CHD6: variants seen among roughly 807,000 people sequenced by gnomAD.
The protein encoded by CHD6 is ATP-dependent chromatin remodeler CHD6.
CHD6 carries 50 observed loss-of-function variants against 276.9 expected under a neutral mutation model. The observed-to-expected ratio is 0.18, with a 90% CI of 0.14 to 0.23. The LOEUF (loss-of-function observed/expected upper bound fraction) is 0.23. Ranked by LOEUF, CHD6 falls within the 10% of genes least tolerant of loss-of-function variation. The pLI is 1.00. For missense variants in CHD6, 2,564 were observed against 3,365.8 expected (o/e 0.76, Z 5.89); for synonymous variants, 1,173 against 1,229.3 (o/e 0.95, Z 0.96).
chr20:41,439,252 A>AGG (rs2047819852), intron 26 of CHD6, among the ~76,000 whole-genome samples: 2 of 152,102 alleles, frequency 1.3e-5, no homozygotes, highest in East Asian at 3.9e-4. Context: ...GCTACTCAGG[A>AGG]GGCTGAGGCA....
chr20:41,405,180 T>G lies in CHD6; in HGVS notation c.7561A>C (p.Met2521Leu), dbSNP rs760303889. The G allele has an allele frequency of 6.2e-7, 1 of 1,614,204 alleles. No individual in the cohort carries two copies. Among genetic ancestry groups the G allele is most frequent in the Admixed American group, 1.7e-5 (1 of 60,016 alleles). ...VKSTLSMLPM[M>L]LPGMAAVPQM... is the part of the protein sequence containing the mutation. ...GGCACAGCAGCCATGCCTGGCAGCA[T>G]CATGGGCAGCATGCTCAGGGTACTT... The change falls in exon 37 of 37, where the codon ATG (methionine) becomes CTG (leucine). Residue 2521 changes from methionine to leucine, a missense_variant. Around this residue, in one of 7 missense-constraint regions of CHD6, gnomAD observed 238 missense variants for 266.0 expected, o/e 0.89. Transcript: ENST00000373233.
At chr20:41,501,701 C>T (rs918361384) in intron 5 of CHD6, among the ~76,000 whole-genome samples, 1 of 151,992 alleles carries the variant, frequency 6.6e-6, no homozygotes, top group African/African-American at 2.4e-5. Context: ...AGGTAGATGT[C>T]TAATTTTAAT....
rs771630751 is a variant in CHD6 at position 41,420,505 on chromosome 20, T to C, written c.6127+3A>G. 6.2e-7 allele frequency: 1 copy of C among 1,605,644 alleles called. No homozygotes were observed. Among genetic ancestry groups the C allele is most frequent in the East Asian group, 2.2e-5 (1 of 44,882 alleles). On this transcript the variant is annotated splice_donor_region_variant and intron_variant, in intron 31 of 36. Coordinates refer to ENST00000373233, the MANE Select transcript of CHD6 (RefSeq NM_032221.5). ...AAATGCCACAAGATCCTACATACTG[T>C]ACCTTGACTATGGCAGTTTCCGTCT...
chr20:41,487,888 G>T lies in CHD6; in HGVS notation c.1858-80C>A, dbSNP rs913316694. The T allele has an allele frequency of 1.7e-5, 25 of 1,443,174 alleles. No homozygotes were observed. In the African/African-American group the frequency reaches 2.9e-4, roughly 17 times the overall value. 89.4% of individuals were successfully genotyped at this position (1,443,174 alleles called of 1,614,324 possible). On this transcript the variant is annotated intron_variant, in intron 13 of 36. Coordinates refer to ENST00000373233, the MANE Select transcript of CHD6 (RefSeq NM_032221.5). ...TTTTCGTGGGGAAAATTAAGCCAGG[G>T]CATTGAGTGCTCAATTTGGGGCAAT...
chr20:41,421,273 C>A lies in CHD6; in HGVS notation c.5362G>T (p.Gly1788Trp). ...CCTGCCTCACTGCAGCAGAGCTCCC[C>A]TTCCTTTGAAATAGACATCAACAAA... is the stretch of plus-strand genomic sequence containing the variant. ...KHLLMSISKE[G>W]ELCCSEAGQR... Residue 1788 changes from glycine to tryptophan, a missense_variant, in exon 31 of 37, where the codon GGG becomes TGG. Transcript: ENST00000373233. 6.2e-7 allele frequency: 1 copy of A among 1,614,144 alleles called. No individual in the cohort carries two copies. The highest frequency in any genetic ancestry group is 8.5e-7 in the Non-Finnish European group (1 of 1,180,044).
At chr20:41,604,829 C>T (rs536319309) in intron 1 of CHD6, among the ~76,000 whole-genome samples, 17 of 152,220 alleles carry the variant, frequency 1.1e-4, no homozygotes, top group African/African-American at 2.9e-4. Context: ...CTGGAATCCT[C>T]GGACTACCAG....
At position 41,617,674 on chromosome 20, in the gene CHD6, G is replaced by A. The variant is rs182597483; in HGVS notation, c.-24+666C>T. Among the ~76,000 whole-genome samples the A allele has an allele frequency of 1.7e-3, 260 of 152,208 alleles. 2 individuals carry two copies. Among genetic ancestry groups the A allele is most frequent in the African/African-American group, 6.0e-3 (248 of 41,540 alleles). On this transcript the variant is annotated intron_variant, in intron 1 of 36. Transcript: ENST00000373233. ...CTAATAATGCACAAAACTTGGCAGC[G>A]GGGTTGCAGGACCCCTCCTGGGCTC...
chr20:41,526,968 A>G (rs1223400045), intron 3 of CHD6, among the ~76,000 whole-genome samples: 1 of 152,246 alleles, frequency 6.6e-6, no homozygotes, highest in Non-Finnish European at 1.5e-5. Context: ...TAGGCACAGC[A>G]AAGTCTGAGG....
In CHD6 at chr20:41,578,418, A is replaced by G. The variant is rs375896135; in HGVS notation, c.-23-27058T>C. On this transcript the variant is annotated intron_variant, in intron 1 of 36. Transcript: ENST00000373233. ...AGTTTTTTAAAAAAGTTTTTTAATA[A>G]AAAATTTCCGTGTTACTTATTAACA... Among the ~76,000 whole-genome samples the G allele has an allele frequency of 4.6e-5, 7 of 152,314 alleles. No individual in the cohort carries two copies. In the East Asian group the frequency reaches 1.2e-3, roughly 25 times the overall value.
At chr20:41,512,788 T>A in intron 5 of CHD6, 58 bp downstream of exon 5, 1 of 1,597,100 alleles carries the variant, frequency 6.3e-7, no homozygotes, top group South Asian at 1.1e-5. Flanking sequence ...AACACGTCTG[T>A]CATCTAGGTC....
At chr20:41,438,291 T>G (rs2047781372) in intron 26 of CHD6, among the ~76,000 whole-genome samples, 1 of 152,178 alleles carries the variant, frequency 6.6e-6, no homozygotes, top group South Asian at 2.1e-4. Flanking sequence ...CATGATTCTT[T>G]TAAAAACTGA....
chr20:41,566,593 T>C (rs753009867), intron 1 of CHD6, among the ~76,000 whole-genome samples: 1 of 152,192 alleles, frequency 6.6e-6, no homozygotes, highest in Non-Finnish European at 1.5e-5. Context: ...TATGCCCAAG[T>C]AGAGGATTTC....
At chr20:41,449,262 C>T (rs927135019) in intron 23 of CHD6, among the ~76,000 whole-genome samples, 11 of 152,160 alleles carry the variant, frequency 7.2e-5, no homozygotes, top group African/African-American at 2.4e-4. Context: ...AAATTTACAA[C>T]CACTGCCAAT....
intron 1 of CHD6, among the ~76,000 whole-genome samples, chr20:41,582,782 T>C (rs1377830486): frequency 6.6e-6 from 1 of 152,136 alleles, no homozygotes; most frequent in African/African-American, 2.4e-5. Context: ...AACAGAAAGA[T>C]GAAATATGTG....
At chr20:41,562,494 A>ATTTT (rs371771565) in intron 1 of CHD6, among the ~76,000 whole-genome samples, 10 of 148,308 alleles carry the variant, frequency 6.7e-5, no homozygotes, top group African/African-American at 9.8e-5. Context: ...TGAGGGTTTG[A>ATTTT]TTTTTTTTTT....
At chr20:41,533,655 T>C (rs1394935731) in intron 2 of CHD6, 85 bp from the exon 3 acceptor site, 7 of 1,237,004 alleles carry the variant, frequency 5.7e-6, no homozygotes, top group Middle Eastern at 2.2e-4. Context: ...TACATGGATT[T>C]GCTCAACAAA....
chr20:41,452,293 A>C lies in CHD6; in HGVS notation c.3324-268T>G, dbSNP rs1292186828. Among the ~76,000 whole-genome samples, 1 of 152,234 alleles carries C rather than the reference A, an allele frequency of 6.6e-6. No homozygotes were observed. Among genetic ancestry groups the C allele is most frequent in the Non-Finnish European group, 1.5e-5 (1 of 68,036 alleles). On this transcript the variant is annotated intron_variant, in intron 21 of 36. Transcript: ENST00000373233. This position sits in a 1 kb window ranked among gnomAD's most constrained non-coding sequence, Gnocchi z 4.2. ...AGGGAGGGACCAAACTACTGGGAGC[A>C]GGGAATAAATTTGGAATCAAAAAGA...
intron 16 of CHD6, among the ~76,000 whole-genome samples, chr20:41,474,202 A>G (rs1233966457): frequency 6.6e-6 from 1 of 152,224 alleles, no homozygotes; most frequent in Non-Finnish European, 1.5e-5. Context: ...AAAATAAAGT[A>G]GGAAAGTAAA....
intron 3 of CHD6, among the ~76,000 whole-genome samples, chr20:41,521,081 T>C (rs759420811): frequency 2.6e-5 from 4 of 152,194 alleles, no homozygotes; most frequent in South Asian, 2.1e-4. Context: ...TCTCTGAGTA[T>C]ACCTCTGTAC....
Sources: gnomAD v4.1 joint callset for allele counts (sites outside exome capture counted in the v4.1 genomes callset) on GRCh38, gnomAD v4.1.1 for gene constraint, gnomAD v4.1.1 regional missense constraint, Gnocchi (gnomAD v3.1) non-coding constraint, MANE v1.5 for transcripts, NCBI Gene and HGNC (gene_info 2026-07-23, HGNC 2026-07-21) for gene names.